The following XPR1 variants were observed in gnomAD, a reference collection of about 807,000 sequenced individuals.
XPR1 encodes xenotropic and polytropic retrovirus receptor 1, also known as solute carrier family 53 member 1.
XPR1 carries 28 observed loss-of-function variants against 87.5 expected under a neutral mutation model. That is an observed-to-expected ratio of 0.32 (90% confidence interval 0.24 to 0.44). The LOEUF (loss-of-function observed/expected upper bound fraction) is 0.44. Among genes scored for constraint, XPR1 ranks in the 20% least tolerant of loss-of-function variants. The pLI, the probability that XPR1 is intolerant of heterozygous loss-of-function variation, is 1.00. For synonymous variants in XPR1, 300 were observed against 306.1 expected, an observed-to-expected ratio of 0.98 and a Z score of 0.21; for missense variants, 559 against 862.3, an observed-to-expected ratio of 0.65 and a Z score of 4.41.
intron 1 of XPR1, among the ~76,000 whole-genome samples, chr1:180,660,692 C>T (rs899798220): frequency 5.3e-5 from 8 of 150,822 alleles, no homozygotes; most frequent in Non-Finnish European, 8.9e-5. Context: ...AGTTTTATTC[C>T]GTTGTGGTCA....
Position 180,787,871 on chromosome 1 carries a change from C to CT in XPR1, c.223+27dup, listed in dbSNP as rs372311507. The CT allele has an allele frequency of 0.041, 53,332 of 1,310,822 alleles. 272 individuals carry two copies. The highest frequency in any genetic ancestry group is 0.066 in the African/African-American group (4,402 of 66,306). The allele number at this position is 1,310,822 out of a possible 1,614,324, so 81.2% of individuals were successfully genotyped here. The stretch of plus-strand genomic sequence containing the variant: ...TTTATTCAGGTGAGTAATTAAGAGA[C>CT]TTTTTTTTTTGCTGCCGGGGAAGGA... On this transcript the variant is annotated intron_variant, in intron 3 of 14. Transcript: ENST00000367590.
At chr1:180,787,574 C>T (rs1262720891) in intron 2 of XPR1, among the ~76,000 whole-genome samples, 179 bp from the exon 3 acceptor site, 3 of 152,204 alleles carry the variant, frequency 2.0e-5, no homozygotes, top group Admixed American at 1.3e-4. Context: ...CCATCGCACT[C>T]GGCCTGAAAA....
At chr1:180,660,005 C>G (rs1655710116) in intron 1 of XPR1, among the ~76,000 whole-genome samples, 1 of 152,088 alleles carries the variant, frequency 6.6e-6, no homozygotes, top group South Asian at 2.1e-4. Context: ...CCAGTGTTTT[C>G]TTTGCTGGGA....
intron 11 of XPR1, among the ~76,000 whole-genome samples, chr1:180,858,071 CCGGG>C (rs1443961087): frequency 1.3e-5 from 2 of 152,044 alleles, no homozygotes; most frequent in Non-Finnish European, 2.9e-5. Context: ...ACAAAATTAG[CCGGG>C]CGTGGTGGCG....
At chr1:180,677,216 C>T (rs771371230) in intron 1 of XPR1, among the ~76,000 whole-genome samples, 2 of 152,190 alleles carry the variant, frequency 1.3e-5, no homozygotes, top group Non-Finnish European at 2.9e-5. Flanking sequence ...AACTGGTTCT[C>T]CTTGCTCACT....
chr1:180,762,214 A>G (rs1169234056), intron 2 of XPR1, among the ~76,000 whole-genome samples: 1 of 152,030 alleles, frequency 6.6e-6, no homozygotes, highest in East Asian at 1.9e-4. Context: ...TGGCACATGT[A>G]TACATATGTA....
intron 1 of XPR1, among the ~76,000 whole-genome samples, chr1:180,633,621 A>G (rs141418817): frequency 6.6e-6 from 1 of 152,212 alleles, no homozygotes; most frequent in East Asian, 1.9e-4. Context: ...TAGAAATGAA[A>G]GGCCTATAAT....
chr1:180,859,575 T>G (rs1253784895), intron 11 of XPR1, among the ~76,000 whole-genome samples: 1 of 152,106 alleles, frequency 6.6e-6, no homozygotes, highest in African/African-American at 2.4e-5. Flanking sequence ...CATTCTTCAC[T>G]TGAGAGATGG....
At chr1:180,719,758 C>T (rs1658117321) in intron 2 of XPR1, among the ~76,000 whole-genome samples, 1 of 152,108 alleles carries the variant, frequency 6.6e-6, no homozygotes, top group South Asian at 2.1e-4. Context: ...AAAAATCACA[C>T]ATTTAAATTA....
At chr1:180,682,987 T>C (rs1411497488) in intron 2 of XPR1, among the ~76,000 whole-genome samples, 1 of 152,116 alleles carries the variant, frequency 6.6e-6, no homozygotes, top group Non-Finnish European at 1.5e-5. Flanking sequence ...TTATTATTAC[T>C]ATACTTTAAG....
intron 11 of XPR1, 126 bp from the exon 12 acceptor site, chr1:180,863,582 G>A (rs997358680): frequency 3.3e-5 from 24 of 732,532 alleles, no homozygotes; most frequent in East Asian, 2.7e-4. Flanking sequence ...ATCTTCCTAC[G>A]ATCTGTTTAA....
intron 1 of XPR1, among the ~76,000 whole-genome samples, chr1:180,646,558 A>G (rs1448805117): frequency 6.6e-6 from 1 of 152,164 alleles, no homozygotes; most frequent in Non-Finnish European, 1.5e-5. Context: ...TGAACCTATT[A>G]TTTAAGTAGG....
intron 10 of XPR1, among the ~76,000 whole-genome samples, chr1:180,836,240 C>T (rs1459824098): frequency 6.6e-6 from 1 of 151,992 alleles, no homozygotes; most frequent in African/African-American, 2.4e-5. Flanking sequence ...CACCTGTAAT[C>T]CCAGCTACTC....
At chr1:180,863,543 A>G (rs1358564840) in intron 11 of XPR1, among the ~76,000 whole-genome samples, 165 bp from the exon 12 acceptor site, 1 of 152,174 alleles carries the variant, frequency 6.6e-6, no homozygotes, top group African/African-American at 2.4e-5. Context: ...GGGAAATCAT[A>G]TTTATTATTT....
At chr1:180,805,695 A>T (rs1649965868) in intron 4 of XPR1, among the ~76,000 whole-genome samples, 1 of 152,256 alleles carries the variant, frequency 6.6e-6, no homozygotes, top group Non-Finnish European at 1.5e-5. Flanking sequence ...ATTTTCTGAA[A>T]ATAATTCTTT....
chr1:180,650,161 G>A (rs2101903257), intron 1 of XPR1, among the ~76,000 whole-genome samples: 1 of 150,266 alleles, frequency 6.7e-6, no homozygotes, highest in South Asian at 2.1e-4. Context: ...ATTTTAGTGG[G>A]GTTTTGGGAA....
In XPR1 at chr1:180,826,667, A is replaced by G. The variant is rs371070408; in HGVS notation, c.1134+1323A>G. Among the ~76,000 whole-genome samples the G allele has an allele frequency of 3.9e-5, 6 of 152,282 alleles. No individual in the cohort carries two copies. The East Asian group carries it at 7.7e-4, about 20-fold the overall frequency. ...TAAAGATTAGTGATTAAATTGACCA[A>G]TCTCTATAAAAACTTTCAGAATTGC... On this transcript the variant is annotated intron_variant, in intron 9 of 14. Transcript: ENST00000367590.
intron 1 of XPR1, among the ~76,000 whole-genome samples, chr1:180,640,184 G>T (rs971756319): frequency 6.6e-6 from 1 of 152,184 alleles, no homozygotes; most frequent in African/African-American, 2.4e-5. Flanking sequence ...GTAAGTAAAT[G>T]GAACCAGAAT....
intron 1 of XPR1, among the ~76,000 whole-genome samples, chr1:180,641,142 A>G (rs1654949313): frequency 6.6e-6 from 1 of 152,334 alleles, no homozygotes; most frequent in South Asian, 2.1e-4. Context: ...CAGGCAAGTC[A>G]GTTAACCTTT....
Sources: gnomAD v4.1 joint callset for allele counts (sites outside exome capture counted in the v4.1 genomes callset) on GRCh38, gnomAD v4.1.1 for gene constraint, MANE v1.5 for transcripts, NCBI Gene and HGNC (gene_info 2026-07-23, HGNC 2026-07-21) for gene names.